The following TMCO5A variants were observed in gnomAD, a reference collection of about 807,000 sequenced individuals.
TMCO5A encodes transmembrane and coiled-coil domains 5A, also known as transmembrane and coiled-coil domain-containing protein 5A.
A neutral mutation model predicts 42.3 loss-of-function variants in TMCO5A; 34 were observed. The observed-to-expected ratio is 0.80, with a 90% CI of 0.61 to 1.07. The LOEUF (loss-of-function observed/expected upper bound fraction) is 1.07. Among genes scored for constraint, TMCO5A ranks in the 50% least tolerant of loss-of-function variants. The pLI is 0.00. For synonymous variants in TMCO5A, 131 were observed against 115.6 expected (o/e 1.13, Z -0.86); for missense variants, 357 against 327.9 (o/e 1.09, Z -0.69).
intron 9 of TMCO5A, chr15:37,942,519 G>C (rs1178554337): frequency 6.0e-6 from 2 of 331,482 alleles, no homozygotes; most frequent in Non-Finnish European, 1.1e-5. Flanking sequence ...TATTCGGGTT[G>C]ATATTAAGAG....
the TMCO5A span, among the ~76,000 whole-genome samples, chr15:38,039,600 C>A: frequency 1.3e-5 from 2 of 152,156 alleles, no homozygotes; most frequent in African/African-American, 4.8e-5. Context: ...CTAGAGTATA[C>A]CCCACAGGTA....
At chr15:37,939,685 A>T (rs55891717) in intron 6 of TMCO5A, among the ~76,000 whole-genome samples, 20,224 of 152,060 alleles carry the variant, frequency 0.13, 1,444 homozygotes, top group Admixed American at 0.17. Flanking sequence ...ACCTATTTTA[A>T]TGAATTATCA....
chr15:38,035,903 T>C, the TMCO5A span, among the ~76,000 whole-genome samples: 4 of 152,166 alleles, frequency 2.6e-5, no homozygotes, highest in Admixed American at 2.6e-4. Context: ...ACAGAGAGGA[T>C]GCCAAAAGGA....
the TMCO5A span, among the ~76,000 whole-genome samples, chr15:38,022,390 A>G: frequency 2.0e-5 from 3 of 152,226 alleles, no homozygotes; most frequent in African/African-American, 7.2e-5. Context: ...AAAGGAGCCA[A>G]TTTGAAAAGG....
chr15:38,034,564 C>G, the TMCO5A span, among the ~76,000 whole-genome samples: 5 of 152,172 alleles, frequency 3.3e-5, no homozygotes. Flanking sequence ...GCCTCTTTCC[C>G]TGGCTCCACC....
chr15:37,937,670 T>C (rs1889569175), intron 5 of TMCO5A, among the ~76,000 whole-genome samples: 1 of 152,156 alleles, frequency 6.6e-6, no homozygotes, highest in Admixed American at 6.5e-5. Flanking sequence ...TTCCAACAGA[T>C]ACTCTGTTGA....
the TMCO5A span, among the ~76,000 whole-genome samples, chr15:37,980,430 C>T: frequency 2.0e-5 from 3 of 152,146 alleles, no homozygotes; most frequent in African/African-American, 7.2e-5. Context: ...TGGGGAGCCT[C>T]TCCCGGCTCC....
intron 11 of TMCO5A, among the ~76,000 whole-genome samples, chr15:37,950,421 G>A (rs1242824473): frequency 6.6e-6 from 1 of 152,084 alleles, no homozygotes; most frequent in Non-Finnish European, 1.5e-5. Context: ...AAGTTATGAA[G>A]TTGGGAGGAT....
In TMCO5A at chr15:37,936,970, T is replaced by C; in HGVS notation, c.264T>C (p.Leu88=). ...LQELEEETAR[L]ERKNKTLVHS... ...AGCTGGAGGAAGAAACAGCCAGACTTGTAAGCAAGAAGTTGGGAAGAGCCA... is the reference window on the plus strand; with the variant it reads ...AGCTGGAGGAAGAAACAGCCAGACTCGTAAGCAAGAAGTTGGGAAGAGCCA... The change falls in exon 4 of 12, where the codon CTT becomes CTC. Residue 88 remains leucine (L), a splice_region_variant and synonymous_variant. Transcript: ENST00000319669. The C allele has an allele frequency of 6.2e-7, 1 of 1,611,918 alleles. No homozygotes were observed. Among genetic ancestry groups the C allele is most frequent in the Non-Finnish European group, 8.5e-7 (1 of 1,178,760 alleles).
the TMCO5A span, chr15:38,040,268 G>C: frequency 6.6e-6 from 1 of 152,212 alleles, no homozygotes; most frequent in Non-Finnish European, 1.5e-5. Context: ...TGGGACAATG[G>C]GGATACTTAA....
At chr15:37,954,140 A>T (rs1181458383), downstream of TMCO5A, among the ~76,000 whole-genome samples, 1 of 152,164 alleles carries the variant, frequency 6.6e-6, no homozygotes, top group Non-Finnish European at 1.5e-5. Flanking sequence ...AGGCATAGAA[A>T]GTTTATTCAA....
At chr15:38,030,214 G>C in the TMCO5A span, among the ~76,000 whole-genome samples, 3 of 152,188 alleles carry the variant, frequency 2.0e-5, no homozygotes, top group Non-Finnish European at 4.4e-5. Flanking sequence ...AACTGGATCA[G>C]ACAGACTCAT....
At chr15:37,936,790 T>C in intron 3 of TMCO5A, 57 bp from the exon 4 acceptor site, 1 of 1,602,896 alleles carries the variant, frequency 6.2e-7, no homozygotes, top group East Asian at 2.3e-5. Flanking sequence ...ATCTGTGTTT[T>C]ATCAGTTCTG....
At chr15:38,027,931 A>G in the TMCO5A span, among the ~76,000 whole-genome samples, 1 of 152,106 alleles carries the variant, frequency 6.6e-6, no homozygotes, top group Non-Finnish European at 1.5e-5. Flanking sequence ...AGACATGTGG[A>G]ACTGTAAGTA....
the TMCO5A span, among the ~76,000 whole-genome samples, chr15:37,980,762 T>C: frequency 6.6e-6 from 1 of 151,910 alleles, no homozygotes; most frequent in African/African-American, 2.4e-5. Context: ...TACATCAAAC[T>C]GGACTTCATT....
the TMCO5A span, among the ~76,000 whole-genome samples, chr15:38,034,643 A>G: frequency 2.0e-5 from 3 of 152,104 alleles, no homozygotes; most frequent in Admixed American, 2.0e-4. Flanking sequence ...TCCCAGTTAC[A>G]GCCATCATTC....
At chr15:37,965,445 T>C (rs187060706) in intron 11 of TMCO5A, among the ~76,000 whole-genome samples, 1 of 151,946 alleles carries the variant, frequency 6.6e-6, no homozygotes, top group African/African-American at 2.4e-5. Flanking sequence ...GCACAGCAAA[T>C]GAAACAATCA....
chr15:38,028,498 G>C, the TMCO5A span, among the ~76,000 whole-genome samples: 1 of 152,190 alleles, frequency 6.6e-6, no homozygotes, highest in African/African-American at 2.4e-5. Context: ...AGTTGGTGCT[G>C]ATGTTCCATT....
intron 6 of TMCO5A, among the ~76,000 whole-genome samples, chr15:37,938,890 G>A (rs1477510320): frequency 6.6e-6 from 1 of 152,014 alleles, no homozygotes; most frequent in Non-Finnish European, 1.5e-5. Flanking sequence ...CAACCTATCT[G>A]ATGAGAGAGA....
Sources: gnomAD v4.1 joint callset for allele counts (sites outside exome capture counted in the v4.1 genomes callset) on GRCh38, gnomAD v4.1.1 for gene constraint, MANE v1.5 for transcripts, NCBI Gene and HGNC (gene_info 2026-07-23, HGNC 2026-07-21) for gene names.